Variants in THSD7B observed in about 807,000 individuals in gnomAD.
The protein encoded by THSD7B is thrombospondin type-1 domain-containing protein 7B.
A neutral mutation model predicts 213.6 loss-of-function variants in THSD7B; 138 were observed. That is an observed-to-expected ratio of 0.65 (90% CI 0.56 to 0.74). The LOEUF (loss-of-function observed/expected upper bound fraction) is 0.74, where lower values mean the gene tolerates loss of function less well. Among genes scored for constraint, THSD7B ranks in the 30% least tolerant of loss-of-function variants. THSD7B has a pLI of 0.00. For synonymous variants in THSD7B, 742 were observed against 687.0 expected (o/e 1.08, Z -1.25); for missense variants, 1,931 against 1,991.5 (o/e 0.97, Z 0.58).
rs191325993 is a variant in THSD7B, at chr2:137,393,715, A to G, written c.2501-11898A>G. On this transcript the variant is annotated intron_variant, in intron 12 of 27. Transcript: ENST00000409968. Reference sequence around the variant, plus strand: ...TGGGTCAAATGGTATTTCTAGCTCTAGATCCCTGAGGAATCACCACACTGA... The same window carrying G: ...TGGGTCAAATGGTATTTCTAGCTCTGGATCCCTGAGGAATCACCACACTGA... 1.3e-4 allele frequency among the ~76,000 whole-genome samples: 19 copies of G among 141,126 alleles called. 5 individuals carry two copies. Among genetic ancestry groups the G allele is most frequent in the African/African-American group, 5.0e-4 (19 of 38,356 alleles). 92.6% of individuals were successfully genotyped at this position (141,126 alleles called of 152,430 possible). A position where few individuals can be genotyped will look rare whatever the true frequency, so the allele number is the denominator to read the frequency against.
chr2:137,398,920 C>T (rs1008817293), intron 12 of THSD7B, among the ~76,000 whole-genome samples: 8 of 152,274 alleles, frequency 5.3e-5, no homozygotes, highest in African/African-American at 1.7e-4. Context: ...GGGAGTGACC[C>T]GATTTTCCAG....
intron 12 of THSD7B, among the ~76,000 whole-genome samples, chr2:137,311,663 A>G (rs189693742): frequency 0.056 from 8,458 of 151,930 alleles, 323 homozygotes; most frequent in East Asian, 0.099. Context: ...AGCTCTTATT[A>G]TTTTGAGATA....
chr2:137,280,228 C>T (rs1469894691), intron 12 of THSD7B, among the ~76,000 whole-genome samples: 1 of 152,070 alleles, frequency 6.6e-6, no homozygotes, highest in Non-Finnish European at 1.5e-5. Context: ...CTGGGATCTC[C>T]AAGATTTGAT....
At chr2:137,599,212 CTCA>C in intron 17 of THSD7B, among the ~76,000 whole-genome samples, 1 of 151,654 alleles carries the variant, frequency 6.6e-6, no homozygotes, top group East Asian at 1.9e-4. Flanking sequence ...AGGATATGAA[CTCA>C]TCATTTTTTA....
At chr2:137,317,507 A>T (rs554210893) in intron 12 of THSD7B, among the ~76,000 whole-genome samples, 2 of 152,360 alleles carry the variant, frequency 1.3e-5, no homozygotes, top group African/African-American at 2.4e-5. Flanking sequence ...TAATCAAATT[A>T]TCTTATAGTA....
At chr2:137,345,328 G>A (rs917747588) in intron 12 of THSD7B, among the ~76,000 whole-genome samples, 3 of 151,438 alleles carry the variant, frequency 2.0e-5, no homozygotes, top group Non-Finnish European at 4.4e-5. Context: ...AAGCACTTTG[G>A]TTACATGAAA....
intron 1 of THSD7B, among the ~76,000 whole-genome samples, chr2:136,874,735 T>C (rs1444881275): frequency 6.6e-6 from 1 of 152,222 alleles, no homozygotes; most frequent in African/African-American, 2.4e-5. Flanking sequence ...CTGTGTTTTT[T>C]ATTTCTCTTA....
intron 12 of THSD7B, among the ~76,000 whole-genome samples, chr2:137,354,340 G>A (rs1685082521): frequency 1.3e-5 from 2 of 151,880 alleles, no homozygotes; most frequent in African/African-American, 4.8e-5. Context: ...AATGCGCAAT[G>A]TTTTACCTTT....
At chr2:137,512,033 CACAA>C (rs904885146) in intron 15 of THSD7B, 13 of 152,292 alleles carry the variant, frequency 8.5e-5, no homozygotes, top group Admixed American at 7.2e-4. Context: ...AGGCTTCATG[CACAA>C]ACAATGTTCA....
chr2:137,341,370 TA>T (rs1202670554), intron 12 of THSD7B, among the ~76,000 whole-genome samples: 9 of 151,586 alleles, frequency 5.9e-5, no homozygotes, highest in African/African-American at 2.2e-4. Flanking sequence ...GGTTTGCAAA[TA>T]TTTTTTCTTC....
chr2:137,433,292 A>G (rs1055119323), intron 14 of THSD7B, among the ~76,000 whole-genome samples: 17 of 152,142 alleles, frequency 1.1e-4, no homozygotes, highest in Non-Finnish European at 1.5e-5. Context: ...ACTCTTTTGG[A>G]CACAAAAGAT....
At chr2:137,662,224 G>A (rs558394765) in intron 25 of THSD7B, among the ~76,000 whole-genome samples, 150 of 144,046 alleles carry the variant, frequency 1.0e-3, no homozygotes, top group African/African-American at 3.1e-3. Context: ...CACGACGCCC[G>A]GCTAATTTTT....
chr2:137,306,726 T>G (rs1683757387), intron 12 of THSD7B, among the ~76,000 whole-genome samples: 1 of 152,130 alleles, frequency 6.6e-6, no homozygotes, highest in Non-Finnish European at 1.5e-5. Flanking sequence ...TATCTTGAGT[T>G]TTCTGTTTTT....
intron 6 of THSD7B, 98 bp downstream of exon 6, chr2:137,160,466 G>C: frequency 6.9e-7 from 1 of 1,456,778 alleles, no homozygotes; most frequent in East Asian, 2.4e-5. Flanking sequence ...GACAATATTT[G>C]TTTGTAAAAT....
intron 15 of THSD7B, among the ~76,000 whole-genome samples, chr2:137,537,135 T>C (rs942742884): frequency 6.6e-6 from 1 of 151,792 alleles, no homozygotes; most frequent in Non-Finnish European, 1.5e-5. Flanking sequence ...TTCCAATGCA[T>C]GGGCAGTCAT....
intron 15 of THSD7B, among the ~76,000 whole-genome samples, chr2:137,503,114 A>C (rs1395081865): frequency 6.6e-6 from 1 of 152,198 alleles, no homozygotes; most frequent in Non-Finnish European, 1.5e-5. Context: ...AATGGACTAT[A>C]TATTATAATC....
chr2:137,457,771 T>C (rs1047916416), intron 15 of THSD7B, among the ~76,000 whole-genome samples: 2 of 152,192 alleles, frequency 1.3e-5, no homozygotes, highest in African/African-American at 4.8e-5. Context: ...AATCTGACTG[T>C]ATGTGTGTAA....
At chr2:137,093,153 T>C (rs2104917054) in intron 3 of THSD7B, among the ~76,000 whole-genome samples, 2 of 152,308 alleles carry the variant, frequency 1.3e-5, no homozygotes, top group East Asian at 3.9e-4. Flanking sequence ...CTAATATGAA[T>C]CTGATTTCCC....
At chr2:137,070,835 A>G (rs1687470655) in intron 3 of THSD7B, among the ~76,000 whole-genome samples, 2 of 151,626 alleles carry the variant, frequency 1.3e-5, no homozygotes, top group South Asian at 2.1e-4. Context: ...TCCTTGCGAT[A>G]GTTTGCTGAG....
Sources: allele counts gnomAD v4.1 joint callset (sites outside exome capture counted in the v4.1 genomes callset), GRCh38; gene constraint gnomAD v4.1.1; transcripts MANE v1.5; gene names NCBI Gene and HGNC (gene_info 2026-07-23, HGNC 2026-07-21).